TNRC6A: variants seen among roughly 807,000 people sequenced by gnomAD.
The protein encoded by TNRC6A is trinucleotide repeat-containing gene 6A protein.
A neutral mutation model predicts 221.2 loss-of-function variants in TNRC6A; 44 were observed. The observed-to-expected ratio is 0.20, with a 90% CI of 0.16 to 0.26. TNRC6A has a LOEUF of 0.26. TNRC6A is among the 10% of genes least tolerant of loss of function. The pLI is 1.00. For synonymous variants in TNRC6A, 847 were observed against 838.5 expected (o/e 1.01, Z -0.18); for missense variants, 2,199 against 2,404.4 (o/e 0.91, Z 1.79).
intron 4 of TNRC6A, among the ~76,000 whole-genome samples, chr16:24,769,725 G>T (rs1232546421): frequency 6.6e-6 from 1 of 152,066 alleles, no homozygotes; most frequent in Non-Finnish European, 1.5e-5. Flanking sequence ...ACTAACCAGT[G>T]ACCATCATTC....
chr16:24,747,629 G>GTGT, intron 2 of TNRC6A, among the ~76,000 whole-genome samples: 1 of 152,286 alleles, frequency 6.6e-6, no homozygotes, highest in Admixed American at 6.5e-5. Context: ...TTGGGCACAG[G>GTGT]TGTTGTTGTT....
chr16:24,671,063 G>A (rs2055289975), intron 2 of TNRC6A: 1 of 332,866 alleles, frequency 3.0e-6, no homozygotes, highest in Non-Finnish European at 6.4e-6. Context: ...CGACAGCACT[G>A]CAGCAGCTGC....
In TNRC6A at chr16:24,676,104, A is replaced by G. The variant is rs772869257; in HGVS notation, n.402+35095A>G. Among the ~76,000 whole-genome samples the G allele has an allele frequency of 2.6e-5, 4 of 152,104 alleles. No homozygotes were observed. The East Asian group carries it at 7.7e-4, about 29-fold the overall frequency. The stretch of plus-strand genomic sequence containing the variant: ...TCTGATAATGCCTCAGAATTCATAT[A>G]TGTGCCAATAAGATAAAAAGAATCA... On this transcript the variant is annotated intron_variant and non_coding_transcript_variant, in intron 2 of 2. Coordinates refer to the TNRC6A transcript ENST00000566108.
intron 2 of TNRC6A, among the ~76,000 whole-genome samples, chr16:24,702,918 C>T (rs1226996729): frequency 6.6e-6 from 1 of 151,890 alleles, no homozygotes; most frequent in Non-Finnish European, 1.5e-5. Context: ...ACCTGTAGTC[C>T]CAGCTACTCA....
chr16:24,639,108 A>G (rs1055562751), intron 1 of TNRC6A, among the ~76,000 whole-genome samples: 1 of 152,206 alleles, frequency 6.6e-6, no homozygotes, highest in African/African-American at 2.4e-5. Context: ...AAATATTTCA[A>G]GTACTTTGAC....
At chr16:24,733,834 C>T (rs771627998) in intron 2 of TNRC6A, among the ~76,000 whole-genome samples, 5 of 152,094 alleles carry the variant, frequency 3.3e-5, no homozygotes, top group African/African-American at 4.8e-5. Context: ...AGAAAACTAG[C>T]GATCTAGGCA....
upstream of TNRC6A, among the ~76,000 whole-genome samples, chr16:24,725,774 G>A (rs981377357): frequency 1.3e-5 from 2 of 151,930 alleles, no homozygotes; most frequent in East Asian, 1.9e-4. Flanking sequence ...GGCCGAGGCG[G>A]GTGATCACTT....
chr16:24,737,165 AAAAT>A (rs1421240755), intron 2 of TNRC6A, among the ~76,000 whole-genome samples: 1 of 152,222 alleles, frequency 6.6e-6, no homozygotes, highest in East Asian at 1.9e-4. Flanking sequence ...AATAAAAATA[AAAAT>A]AAAACCCCAC....
At chr16:24,796,254 A>T in intron 9 of TNRC6A, 1 of 308,654 alleles carries the variant, frequency 3.2e-6, no homozygotes, top group Non-Finnish European at 5.9e-6. Context: ...TCTGTAGTTG[A>T]GGCAGATTGT....
intron 11 of TNRC6A, among the ~76,000 whole-genome samples, chr16:24,800,801 C>T (rs2058316591): frequency 6.6e-6 from 1 of 152,146 alleles, no homozygotes; most frequent in Non-Finnish European, 1.5e-5. Flanking sequence ...GTGCTGCTGA[C>T]CCACCAGGCA....
intron 5 of TNRC6A, among the ~76,000 whole-genome samples, chr16:24,783,135 T>C (rs2057888960): frequency 1.3e-5 from 2 of 152,104 alleles, no homozygotes; most frequent in African/African-American, 4.8e-5. Context: ...TGCTGTTTCT[T>C]TTCTTTTTTT....
chr16:24,730,754 C>T (rs1404175236), intron 2 of TNRC6A, among the ~76,000 whole-genome samples: 2 of 92,380 alleles, frequency 2.2e-5, no homozygotes, highest in Admixed American at 1.3e-4. Context: ...CCCCCCCCCC[C>T]CCCATACATT....
intron 19 of TNRC6A, 110 bp downstream of exon 19, chr16:24,815,415 G>T (rs756406699): frequency 2.0e-5 from 25 of 1,260,218 alleles, no homozygotes; most frequent in Non-Finnish European, 2.5e-5. Flanking sequence ...AGACTGACGT[G>T]TGCGGATGAG....
At chr16:24,729,925 A>T in intron 1 of TNRC6A, 79 bp downstream of exon 1, 1 of 1,149,942 alleles carries the variant, frequency 8.7e-7, no homozygotes, top group Non-Finnish European at 1.1e-6. Flanking sequence ...CGGCGGCGGC[A>T]GCAGAGGCGG....
intron 2 of TNRC6A, among the ~76,000 whole-genome samples, chr16:24,692,424 G>C (rs1308559862): frequency 6.6e-6 from 1 of 152,050 alleles, no homozygotes; most frequent in Admixed American, 6.6e-5. Context: ...ACAAAAATTA[G>C]CTGGGCATGG....
At chr16:24,777,427 C>A in intron 5 of TNRC6A, 69 bp downstream of exon 5, 1 of 1,491,620 alleles carries the variant, frequency 6.7e-7, no homozygotes, top group South Asian at 1.3e-5. Context: ...TTGATAAATT[C>A]GTAGCTTTTT....
intron 2 of TNRC6A, among the ~76,000 whole-genome samples, chr16:24,701,246 T>C (rs1368278454): frequency 6.6e-6 from 1 of 152,182 alleles, no homozygotes; most frequent in East Asian, 1.9e-4. Flanking sequence ...CAGGGGGAGC[T>C]TCAGGAGCTG....
chr16:24,723,319 C>T (rs768088023), intron 2 of TNRC6A, among the ~76,000 whole-genome samples: 22 of 151,980 alleles, frequency 1.4e-4, no homozygotes, highest in Admixed American at 7.2e-4. Context: ...GGTGGCAGGG[C>T]GCAGTGGCTC....
intron 2 of TNRC6A, among the ~76,000 whole-genome samples, chr16:24,709,155 G>T (rs1219672729): frequency 6.6e-6 from 1 of 152,102 alleles, no homozygotes; most frequent in Non-Finnish European, 1.5e-5. Context: ...TACTCGGGAG[G>T]CTGAGGCAGG....
Sources: gnomAD v4.1 joint callset for allele counts (sites outside exome capture counted in the v4.1 genomes callset) on GRCh38, gnomAD v4.1.1 for gene constraint, MANE v1.5 for transcripts, NCBI Gene and HGNC (gene_info 2026-07-23, HGNC 2026-07-21) for gene names.